DOC2B: variants seen among roughly 807,000 people sequenced by gnomAD.
DOC2B encodes the protein double C2 domain beta.
A neutral mutation model predicts 28.9 loss-of-function variants in DOC2B; 21 were observed. The ratio of observed to expected loss-of-function variants is 0.73; its 90% confidence interval spans 0.52 to 1.05. The LOEUF is 1.05. DOC2B is among the 50% of genes least tolerant of loss of function. The pLI is 0.00. For synonymous variants in DOC2B, 194 were observed against 178.1 expected (o/e 1.09, Z -0.71); for missense variants, 384 against 421.1 (o/e 0.91, Z 0.77).
intron 2 of DOC2B, among the ~76,000 whole-genome samples, chr17:169,326 A>G (rs1250184945): frequency 2.6e-5 from 4 of 151,880 alleles, no homozygotes; most frequent in Admixed American, 1.3e-4. Flanking sequence ...GAAGGAAGCC[A>G]AATGGCAGCC....
rs566875538 is a variant in DOC2B at position 174,917 on chromosome 17, G to A, written c.374-2301C>T. 1.8e-4 allele frequency among the ~76,000 whole-genome samples: 28 copies of A among 152,250 alleles called. No individual in the cohort carries two copies. In the East Asian group the frequency reaches 4.8e-3, roughly 26 times the overall value. ...ATGGATCACTTGAGCTCAGGAGTTC[G>A]AGACCAGCCTGGCCAACATGGCAAC... On this transcript the variant is annotated intron_variant, in intron 1 of 8. Coordinates refer to ENST00000613549, the MANE Select transcript of DOC2B (RefSeq NM_003585.5).
Position 144,158 on chromosome 17 carries a change from T to TC in DOC2B, c.*3282_*3283insG, listed in dbSNP as rs1399090985. The TC allele has an allele frequency of 1.3e-5, 2 of 151,802 alleles. No individual in the cohort carries two copies. Among genetic ancestry groups the TC allele is most frequent in the African/African-American group, 4.9e-5 (2 of 40,878 alleles). The allele number at this position is 151,802 out of a possible 1,614,324, so 9.4% of individuals were successfully genotyped here. A position where few individuals can be genotyped will look rare whatever the true frequency, so the allele number is the denominator to read the frequency against. On this transcript the variant is annotated 3_prime_UTR_variant, in exon 9 of 9. Transcript: ENST00000613549. ...TGACACCTGGAATGACTTTTTTTTT[T>TC]TGGCATCAGATTTCCTGTCTTTGTG...
chr17:179,398 C>CAAAA (rs770987974), intron 1 of DOC2B, among the ~76,000 whole-genome samples: 6 of 139,048 alleles, frequency 4.3e-5, no homozygotes, highest in South Asian at 2.3e-4. Flanking sequence ...TCAGAGACAG[C>CAAAA]AAAAAAAAGA....
intron 4 of DOC2B, among the ~76,000 whole-genome samples, chr17:161,874 T>C (rs771870728): frequency 7.9e-5 from 12 of 152,334 alleles, no homozygotes; most frequent in Non-Finnish European, 1.5e-4. Flanking sequence ...TTCAGGGGAC[T>C]GGGGCCAGGG....
At chr17:180,615 G>A (rs2151479373) in intron 1 of DOC2B, among the ~76,000 whole-genome samples, 1 of 152,170 alleles carries the variant, frequency 6.6e-6, no homozygotes, top group South Asian at 2.1e-4. Context: ...GCGGGAGGCC[G>A]GGCCGCTCCC....
chr17:181,143 C>A lies in DOC2B; in HGVS notation c.337G>T (p.Glu113Ter). Residue 113 changes from glutamate to a stop codon, truncating the protein, a stop_gained, in exon 1 of 9, where the codon GAG (glutamate) becomes TAG (stop). Coordinates refer to ENST00000613549, the MANE Select transcript of DOC2B (RefSeq NM_003585.5). LOFTEE classifies it high-confidence loss of function. The surrounding 1 kb of genome is among the most constrained non-coding windows in gnomAD (Gnocchi z 7.0). ...ARPPAKPPED[E>*]PDADGYESDD... ...GACTCGTAGCCGTCGGCGTCCGGCT[C>A]GTCCTCCGGCGGCTTGGCTGGCGGC... 1 of 1,253,272 alleles carries A rather than the reference C, an allele frequency of 8.0e-7. No individual in the cohort carries two copies. The highest frequency in any genetic ancestry group is 1.0e-6 in the Non-Finnish European group (1 of 999,912). The allele number at this position is 1,253,272 out of a possible 1,614,324, so 77.6% of individuals were successfully genotyped here.
chr17:170,628 T>C (rs2151472545), intron 2 of DOC2B, among the ~76,000 whole-genome samples: 1 of 152,306 alleles, frequency 6.6e-6, no homozygotes, highest in African/African-American at 2.4e-5. Flanking sequence ...TGCAGGCCCT[T>C]ACCTTGCGAG....
In DOC2B at chr17:164,107, C is replaced by T. The variant is rs777920307; in HGVS notation, c.528+23G>A. 5.1e-5 allele frequency: 79 copies of T among 1,536,662 alleles called. 2 individuals carry two copies. In the South Asian group the frequency reaches 8.5e-4, roughly 16 times the overall value. ...GTGGTGGGCGGGTGCAGCTGGTGGG[C>T]AGGCCTGGGTGGAACCCCTCACCTT... On this transcript the variant is annotated intron_variant, in intron 3 of 8. Coordinates refer to ENST00000613549, the MANE Select transcript of DOC2B (RefSeq NM_003585.5).
intron 5 of DOC2B, among the ~76,000 whole-genome samples, chr17:159,562 T>G (rs1296720205): frequency 6.6e-6 from 1 of 152,190 alleles, no homozygotes; most frequent in African/African-American, 2.4e-5. Context: ...AGGTAGAGGT[T>G]GCAGTGAACA....
intron 7 of DOC2B, among the ~76,000 whole-genome samples, chr17:148,608 C>A (rs1459755507): frequency 1.3e-5 from 2 of 152,120 alleles, no homozygotes; most frequent in African/African-American, 4.8e-5. Context: ...TCTGTGGGAC[C>A]CTCCCTTCCA....
chr17:165,774 C>T (rs1352061992), intron 2 of DOC2B, among the ~76,000 whole-genome samples: 1 of 152,228 alleles, frequency 6.6e-6, no homozygotes, highest in African/African-American at 2.4e-5. Context: ...CTCACCCTGC[C>T]TTGCACCTTT....
At chr17:168,901 A>G (rs2040279257) in intron 2 of DOC2B, among the ~76,000 whole-genome samples, 1 of 152,222 alleles carries the variant, frequency 6.6e-6, no homozygotes, top group African/African-American at 2.4e-5. Flanking sequence ...TCCTTTATAA[A>G]TTACACAGTC....
At chr17:176,279 C>T (rs2040368933) in intron 1 of DOC2B, among the ~76,000 whole-genome samples, 2 of 151,926 alleles carry the variant, frequency 1.3e-5, no homozygotes, top group Non-Finnish European at 2.9e-5. Flanking sequence ...GCCTCCCAGG[C>T]TCAAACGATC....
Position 148,238 on chromosome 17 carries a change from A to G in DOC2B, c.1037T>C (p.Leu346Pro). 1 of 398,592 alleles carries G rather than the reference A, an allele frequency of 2.5e-6. No homozygotes were observed. The highest frequency in any genetic ancestry group is 4.4e-6 in the Non-Finnish European group (1 of 226,060). 24.7% of individuals were successfully genotyped at this position (398,592 alleles called of 1,614,324 possible). A position where few individuals can be genotyped will look rare whatever the true frequency, so the allele number is the denominator to read the frequency against. Residue 346 changes from leucine (L) to proline (P), a missense_variant, in exon 8 of 9, where the codon CTG (leucine) becomes CCG (proline). By Grantham distance (98) the Leu-to-Pro change is moderately conservative (BLOSUM62 -3). Coordinates refer to ENST00000613549, the MANE Select transcript of DOC2B (RefSeq NM_003585.5). ...GGTGACCTCCAGGGACTTCTTGGCC[A>G]GGTCCCCATGCTTGATCTCGTAACA... ...EFCYEIKHGD[L>P]AKKSLEVTVW...
At chr17:156,167 C>A (rs1555522443) in intron 6 of DOC2B, 53 bp downstream of exon 6, 1 of 1,496,724 alleles carries the variant, frequency 6.7e-7, no homozygotes, top group Non-Finnish European at 9.0e-7. Context: ...CACACGGACC[C>A]CCGTCCTTGG....
chr17:157,129 G>A (rs773329447), intron 5 of DOC2B, among the ~76,000 whole-genome samples: 17 of 152,294 alleles, frequency 1.1e-4, no homozygotes, highest in Middle Eastern at 3.4e-3. Flanking sequence ...TGCAGCCCCC[G>A]GCCTGGCGCG....
At chr17:148,966 C>T (rs1184718447) in intron 7 of DOC2B, 145 bp downstream of exon 7, 7 of 396,178 alleles carry the variant, frequency 1.8e-5, no homozygotes, top group Non-Finnish European at 3.1e-5. Flanking sequence ...CCCCAGCTCC[C>T]CTGTGTCTGT....
intron 2 of DOC2B, among the ~76,000 whole-genome samples, chr17:170,006 G>A (rs538259298): frequency 3.3e-5 from 5 of 152,280 alleles, no homozygotes; most frequent in East Asian, 1.9e-4. Flanking sequence ...ACACACAAAC[G>A]CACCTGGAGC....
chr17:161,297 G>C, intron 5 of DOC2B, 118 bp downstream of exon 5: 1 of 1,097,220 alleles, frequency 9.1e-7, no homozygotes. Flanking sequence ...TCACCTCCCC[G>C]GTCTCCCCTC....
Sources: gnomAD v4.1 joint callset for allele counts (sites outside exome capture counted in the v4.1 genomes callset) on GRCh38, gnomAD v4.1.1 for gene constraint, Gnocchi (gnomAD v3.1) non-coding constraint, MANE v1.5 for transcripts, NCBI Gene and HGNC (gene_info 2026-07-23, HGNC 2026-07-21) for gene names.